The following ARMC3 variants were observed in gnomAD, a reference collection of about 807,000 sequenced individuals.
ARMC3 encodes armadillo repeat containing 3.
Under a neutral mutation model 90.3 loss-of-function variants are expected in ARMC3, and 74 were observed. That is an observed-to-expected ratio of 0.82 (90% CI 0.68 to 0.99). The LOEUF (loss-of-function observed/expected upper bound fraction) is 0.99, where lower values mean the gene tolerates loss of function less well. ARMC3 is among the 50% of genes least tolerant of loss of function. ARMC3 has a pLI of 0.00. For missense variants in ARMC3, 958 were observed against 1,042.8 expected, an observed-to-expected ratio of 0.92 and a Z score of 1.12; for synonymous variants, 334 against 361.8, an observed-to-expected ratio of 0.92 and a Z score of 0.87.
At chr10:23,017,916 T>C (rs1001952485) in intron 16 of ARMC3, among the ~76,000 whole-genome samples, 1 of 152,260 alleles carries the variant, frequency 6.6e-6, no homozygotes, top group Non-Finnish European at 1.5e-5. Flanking sequence ...CAATCAAAGC[T>C]ACTGTTTAAT....
chr10:22,963,903 A>G (rs1835314389), intron 7 of ARMC3, among the ~76,000 whole-genome samples: 1 of 32,784 alleles, frequency 3.1e-5, no homozygotes, highest in African/African-American at 1.2e-4. Flanking sequence ...ACACACACAC[A>G]CACACACACA....
chr10:23,015,693 T>A lies in ARMC3; in HGVS notation c.2045+6762T>A, dbSNP rs113828898. On this transcript the variant is annotated intron_variant, in intron 16 of 18. Transcript: ENST00000298032. The stretch of plus-strand genomic sequence containing the variant: ...CAATCTTGATCTACAGGATAATGAT[T>A]TCCTAAAACATTTTTGTTTTTAAAA... Among the ~76,000 whole-genome samples, 249 of 152,316 alleles carry A rather than the reference T, an allele frequency of 1.6e-3. 1 individual carries two copies. Among genetic ancestry groups the A allele is most frequent in the African/African-American group, 5.8e-3 (243 of 41,570 alleles).
rs902928866 is a variant in ARMC3, at chr10:22,981,394, T to A, written c.971T>A (p.Leu324His). The A allele has an allele frequency of 6.2e-7, 1 of 1,613,686 alleles. No homozygotes were observed. The highest frequency in any genetic ancestry group is 1.1e-5 in the South Asian group (1 of 90,952). ...GAGGTTGAAAAGTGCCTTGTAGCCC[T>A]TTTGGGTTCTGAAAATGATGGAACT... ...EQEVEKCLVA[L>H]LGSENDGTKI... Residue 324 changes from leucine (L) to histidine (H), a missense_variant, in exon 9 of 19, where the codon CTT (leucine) becomes CAT (histidine). Leu to His is a moderately conservative substitution (Grantham distance 99, BLOSUM62 -3). Transcript: ENST00000298032.
chr10:22,962,131 T>A (rs1588848463), intron 7 of ARMC3, 53 bp downstream of exon 7: 3 of 1,294,020 alleles, frequency 2.3e-6, no homozygotes, highest in South Asian at 3.8e-5. Context: ...CTCTCCCAAA[T>A]GTTTAAAAAT....
chr10:23,009,523 G>A (rs1379281356), intron 16 of ARMC3, among the ~76,000 whole-genome samples: 4 of 152,146 alleles, frequency 2.6e-5, no homozygotes, highest in Non-Finnish European at 5.9e-5. Context: ...GCAGAGTCTC[G>A]CTCTGTCGCC....
chr10:22,991,310 C>G (rs1489502601), intron 10 of ARMC3, among the ~76,000 whole-genome samples: 7 of 152,256 alleles, frequency 4.6e-5, no homozygotes, highest in African/African-American at 4.8e-5. Context: ...GAGATTACCC[C>G]CTAGCCAGTA....
chr10:22,939,918 A>G (rs866181477), intron 2 of ARMC3, among the ~76,000 whole-genome samples: 3 of 152,338 alleles, frequency 2.0e-5, no homozygotes, highest in East Asian at 1.9e-4. Flanking sequence ...AAGATGATCA[A>G]TTAAGACCCA....
intron 3 of ARMC3, chr10:22,946,512 T>C: frequency 3.6e-6 from 1 of 274,696 alleles, no homozygotes; most frequent in Non-Finnish European, 6.9e-6. Context: ...TTAGAAATTG[T>C]AAATGTCACA....
chr10:22,973,665 A>C (rs1835775007), intron 8 of ARMC3, among the ~76,000 whole-genome samples: 1 of 150,578 alleles, frequency 6.6e-6, no homozygotes, highest in African/African-American at 2.4e-5. Context: ...TTTTTTAGCT[A>C]TATGATCTGT....
Position 23,033,878 on chromosome 10 carries a change from G to A in ARMC3, c.2409+855G>A, listed in dbSNP as rs190353029. Among the ~76,000 whole-genome samples, 151 of 152,262 alleles carry A rather than the reference G, an allele frequency of 9.9e-4. No homozygotes were observed. The East Asian group carries it at 0.026, about 26-fold the overall frequency. On this transcript the variant is annotated intron_variant, in intron 18 of 18. Transcript: ENST00000298032. Reference sequence around the variant, plus strand: ...GGCTTTGAGTGGGGCAGCTGGTAATGATGGCATTATTCCCTGAAATGGGGA... The same window carrying A: ...GGCTTTGAGTGGGGCAGCTGGTAATAATGGCATTATTCCCTGAAATGGGGA...
At chr10:22,928,601 G>C (rs1833804847) in intron 1 of ARMC3, among the ~76,000 whole-genome samples, 1 of 152,188 alleles carries the variant, frequency 6.6e-6, no homozygotes, top group Non-Finnish European at 1.5e-5. Flanking sequence ...TTTTCACCCA[G>C]TTAATTTACT....
rs546260314 is a variant in ARMC3, at chr10:23,004,131, A to T, written c.1731+717A>T. On this transcript the variant is annotated intron_variant, in intron 13 of 18. Coordinates refer to ENST00000298032, the MANE Select transcript of ARMC3 (RefSeq NM_173081.5). ...ACCACTGCCCTCCAACCTGTCTTTTAAAAAAAAAAAGTAGCATTTAAAATT... is the reference window on the plus strand; with the variant it reads ...ACCACTGCCCTCCAACCTGTCTTTTTAAAAAAAAAAGTAGCATTTAAAATT... Among the ~76,000 whole-genome samples the T allele has an allele frequency of 6.5e-4, 95 of 145,742 alleles. 1 individual carries two copies. Among genetic ancestry groups the T allele is most frequent in the Middle Eastern group, 6.8e-3 (2 of 292 alleles).
chr10:22,993,552 G>A (rs964785365), intron 10 of ARMC3, among the ~76,000 whole-genome samples: 4 of 152,132 alleles, frequency 2.6e-5, no homozygotes, highest in African/African-American at 9.7e-5. Context: ...TACCTGCAGC[G>A]AATTTCTGCT....
At chr10:22,947,448 C>A (rs192276143) in intron 3 of ARMC3, among the ~76,000 whole-genome samples, 21 of 151,960 alleles carry the variant, frequency 1.4e-4, no homozygotes, top group Non-Finnish European at 2.2e-4. Context: ...AAATCTATAA[C>A]CCCAGTTTAA....
intron 8 of ARMC3, among the ~76,000 whole-genome samples, chr10:22,977,510 A>C (rs956431149): frequency 6.6e-6 from 1 of 152,188 alleles, no homozygotes; most frequent in Non-Finnish European, 1.5e-5. Context: ...ATCTGTATTA[A>C]AGTCGGGCTC....
intron 2 of ARMC3, among the ~76,000 whole-genome samples, chr10:22,936,765 T>C (rs2131142857): frequency 6.6e-6 from 1 of 152,306 alleles, no homozygotes; most frequent in East Asian, 1.9e-4. Flanking sequence ...ACTATAATGG[T>C]GCAGGCTCTG....
intron 16 of ARMC3, among the ~76,000 whole-genome samples, chr10:23,029,003 T>C (rs1006341568): frequency 2.0e-5 from 3 of 152,180 alleles, no homozygotes; most frequent in Non-Finnish European, 4.4e-5. Flanking sequence ...ACTGCACCCA[T>C]ATCTACAGCC....
intron 16 of ARMC3, among the ~76,000 whole-genome samples, chr10:23,012,761 C>T (rs1181632350): frequency 6.7e-6 from 1 of 148,876 alleles, no homozygotes; most frequent in African/African-American, 2.6e-5. Flanking sequence ...CTTTTACTTC[C>T]CTAGTTCAGG....
At chr10:22,990,987 T>C (rs1388943574) in intron 10 of ARMC3, among the ~76,000 whole-genome samples, 1 of 151,860 alleles carries the variant, frequency 6.6e-6, no homozygotes, top group African/African-American at 2.4e-5. Context: ...CTGCTTCCTC[T>C]GCCTCCTCCT....
Sources: allele counts gnomAD v4.1 joint callset (sites outside exome capture counted in the v4.1 genomes callset), GRCh38; gene constraint gnomAD v4.1.1; transcripts MANE v1.5; gene names NCBI Gene and HGNC (gene_info 2026-07-23, HGNC 2026-07-21).